Variants in ITPRID1 observed in about 807,000 individuals in gnomAD.
ITPRID1 encodes the protein ITPR interacting domain containing 1.
In ITPRID1, 96 loss-of-function variants were observed where a neutral mutation model predicts 95.4. The observed-to-expected ratio is 1.01, with a 90% CI of 0.85 to 1.19. The LOEUF (loss-of-function observed/expected upper bound fraction) is 1.19, where lower values mean the gene tolerates loss of function less well. Ranked by LOEUF, ITPRID1 falls within the 50% of genes most tolerant of loss-of-function variation. ITPRID1 has a pLI of 0.00. For missense variants in ITPRID1, 1,339 were observed against 1,252.9 expected (o/e 1.07, Z -1.04); for synonymous variants, 510 against 453.6 (o/e 1.12, Z -1.58).
At chr7:31,629,478 TA>T (rs1788800595) in intron 10 of ITPRID1, among the ~76,000 whole-genome samples, 1 of 152,224 alleles carries the variant, frequency 6.6e-6, no homozygotes, top group Admixed American at 6.5e-5. Flanking sequence ...TAGAAACAGT[TA>T]TCATTAGGTT....
intron 10 of ITPRID1, among the ~76,000 whole-genome samples, chr7:31,599,179 GAA>G (rs1476213232): frequency 6.6e-6 from 1 of 152,106 alleles, no homozygotes; most frequent in Non-Finnish European, 1.5e-5. Flanking sequence ...AAATCAATAA[GAA>G]AATGGTTAAA....
At chr7:31,645,138 A>C (rs1562653634) in intron 12 of ITPRID1, among the ~76,000 whole-genome samples, 1 of 152,194 alleles carries the variant, frequency 6.6e-6, no homozygotes, top group African/African-American at 2.4e-5. Context: ...ATTCAGATTC[A>C]ATTTGGGTAA....
At chr7:31,589,470 A>G (rs1785769565) in intron 10 of ITPRID1, among the ~76,000 whole-genome samples, 1 of 152,208 alleles carries the variant, frequency 6.6e-6, no homozygotes, top group Non-Finnish European at 1.5e-5. Flanking sequence ...ATTTACATTT[A>G]CAGATTCAAG....
chr7:31,564,409 G>A (rs979054226), intron 5 of ITPRID1, among the ~76,000 whole-genome samples: 2 of 152,064 alleles, frequency 1.3e-5, no homozygotes, highest in Middle Eastern at 3.4e-3. Context: ...CTTAGTGTTT[G>A]TTTTTTTCTT....
intron 10 of ITPRID1, among the ~76,000 whole-genome samples, chr7:31,620,745 A>G (rs10951297): frequency 0.54 from 82,377 of 151,762 alleles, 22,903 homozygotes; most frequent in East Asian, 0.83. Context: ...CAGCAATGGA[A>G]CAAAGCTGGA....
rs1410789111 is a variant in ITPRID1, at chr7:31,655,917, T to A, written c.*3088T>A. 1.0e-6 allele frequency: 1 copy of A among 985,380 alleles called. No homozygotes were observed. Among genetic ancestry groups the A allele is most frequent in the Admixed American group, 6.2e-5 (1 of 16,256 alleles). 61.0% of individuals were successfully genotyped at this position (985,380 alleles called of 1,614,324 possible). A position where few individuals can be genotyped will look rare whatever the true frequency, so the allele number is the denominator to read the frequency against. On this transcript the variant is annotated 3_prime_UTR_variant, in exon 15 of 15. Transcript: ENST00000615280. ...GGATGTCCCTCACCTGGCAGCCATCTGCTTTACCAGTCTCATTTCCTGCTC... is the reference window on the plus strand; with the variant it reads ...GGATGTCCCTCACCTGGCAGCCATCAGCTTTACCAGTCTCATTTCCTGCTC...
chr7:31,616,041 C>G (rs1787185463), intron 10 of ITPRID1, among the ~76,000 whole-genome samples: 1 of 152,042 alleles, frequency 6.6e-6, no homozygotes, highest in African/African-American at 2.4e-5. Flanking sequence ...CCGCACCCAG[C>G]CGAGTTTACT....
chr7:31,658,441 G>A (rs1205797794), downstream of ITPRID1: 9 of 1,414,340 alleles, frequency 6.4e-6, no homozygotes, highest in Middle Eastern at 2.5e-4. Context: ...TATAACACAT[G>A]TCGAACAAAA....
chr7:31,525,743 T>C (rs1437014620), intron 1 of ITPRID1, among the ~76,000 whole-genome samples: 1 of 152,170 alleles, frequency 6.6e-6, no homozygotes, highest in Non-Finnish European at 1.5e-5. Context: ...TATCTTAAAG[T>C]CCATCTAGTG....
chr7:31,621,274 T>C (rs1267263713), intron 10 of ITPRID1, among the ~76,000 whole-genome samples: 1 of 117,546 alleles, frequency 8.5e-6, no homozygotes, highest in Non-Finnish European at 1.8e-5. Context: ...AAGATACTCC[T>C]CGAGAAGAGC....
intron 1 of ITPRID1, among the ~76,000 whole-genome samples, chr7:31,548,108 G>A (rs763301993): frequency 6.6e-6 from 1 of 152,044 alleles, no homozygotes; most frequent in Non-Finnish European, 1.5e-5. Flanking sequence ...TAGAATAGAG[G>A]TGATGGGGGA....
At chr7:31,638,966 G>A (rs546622508) in intron 10 of ITPRID1, among the ~76,000 whole-genome samples, 8 of 152,154 alleles carry the variant, frequency 5.3e-5, no homozygotes, top group South Asian at 2.1e-4. Flanking sequence ...TGGTAGACAC[G>A]GGATTTCACC....
chr7:31,651,952 C>A lies in ITPRID1; in HGVS notation c.2725C>A (p.Gln909Lys), dbSNP rs1388382912. The change falls in exon 14 of 15, where the codon CAA becomes AAA. Residue 909 changes from glutamine to lysine, a missense_variant. Coordinates refer to ENST00000615280, the MANE Select transcript of ITPRID1 (RefSeq NM_001257967.3). Reference protein sequence around the residue: ...MSEEEREEAEQLQTLREALRQ... With the variant: ...MSEEEREEAEKLQTLREALRQ... ...ATTTACTTGCAGGGAGGAGGCCGAG[C>A]AACTGCAAACGTTACGTGAGGCCCT... 1.3e-6 allele frequency: 2 copies of A among 1,596,844 alleles called. No individual in the cohort carries two copies. Among genetic ancestry groups the A allele is most frequent in the Admixed American group, 1.7e-5 (1 of 57,610 alleles).
In ITPRID1 at chr7:31,642,900, C is replaced by A. The variant is rs775594190; in HGVS notation, c.1530C>A (p.Ala510=). The A allele has an allele frequency of 6.2e-7, 1 of 1,613,988 alleles. No homozygotes were observed. The change falls in exon 12 of 15, where the codon GCC becomes GCA. Residue 510 remains alanine, a synonymous_variant. Coordinates refer to ENST00000615280, the MANE Select transcript of ITPRID1 (RefSeq NM_001257967.3). Reference sequence around the variant, plus strand: ...TGGAGGAAGAGTTTCTGCTTGAGGCCATGGAGGGGCCACCAGAGCTGTATA... The same window carrying A: ...TGGAGGAAGAGTTTCTGCTTGAGGCAATGGAGGGGCCACCAGAGCTGTATA... The part of the protein sequence containing the change: ...SVMEEEFLLE[A]MEGPPELYIP...
At chr7:31,604,655 A>C (rs1242769987) in intron 10 of ITPRID1, among the ~76,000 whole-genome samples, 1 of 152,166 alleles carries the variant, frequency 6.6e-6, no homozygotes, top group Non-Finnish European at 1.5e-5. Context: ...ACTACCACCC[A>C]CCCCTAGAAC....
At chr7:31,628,852 T>C (rs1380040383) in intron 10 of ITPRID1, among the ~76,000 whole-genome samples, 1 of 152,208 alleles carries the variant, frequency 6.6e-6, no homozygotes, top group African/African-American at 2.4e-5. Context: ...TTCTTCTTAC[T>C]GTCTGAACAT....
At chr7:31,560,400 T>A (rs983357324) in intron 5 of ITPRID1, among the ~76,000 whole-genome samples, 1 of 152,210 alleles carries the variant, frequency 6.6e-6, no homozygotes, top group African/African-American at 2.4e-5. Flanking sequence ...TTATCTTGGT[T>A]CTTTTTAAAA....
chr7:31,540,510 T>C (rs1196345430), intron 1 of ITPRID1, among the ~76,000 whole-genome samples: 1 of 152,232 alleles, frequency 6.6e-6, no homozygotes, highest in African/African-American at 2.4e-5. Flanking sequence ...TGCTATAGTT[T>C]TTGAAACACA....
chr7:31,527,483 T>C (rs746231922), intron 1 of ITPRID1, among the ~76,000 whole-genome samples: 31 of 152,124 alleles, frequency 2.0e-4, no homozygotes, highest in Admixed American at 6.5e-4. Context: ...GATTTACTTA[T>C]TAAAAATGTG....
Sources: allele counts gnomAD v4.1 joint callset (sites outside exome capture counted in the v4.1 genomes callset), GRCh38; gene constraint gnomAD v4.1.1; transcripts MANE v1.5; gene names NCBI Gene and HGNC (gene_info 2026-07-23, HGNC 2026-07-21).